RCAN1: variants seen among roughly 807,000 people sequenced by gnomAD.
The protein encoded by RCAN1 is calcipressin-1.
A neutral mutation model predicts 22.9 loss-of-function variants in RCAN1; 11 were observed. The ratio of observed to expected loss-of-function variants is 0.48; its 90% CI spans 0.30 to 0.79. The LOEUF (loss-of-function observed/expected upper bound fraction) is 0.79, where lower values mean the gene tolerates loss of function less well. RCAN1 is among the 30% of genes least tolerant of loss of function. The pLI is 0.06. For missense variants in RCAN1, 291 were observed against 337.8 expected, an observed-to-expected ratio of 0.86 and a Z score of 1.09; for synonymous variants, 136 against 142.3, an observed-to-expected ratio of 0.96 and a Z score of 0.32.
intron 3 of RCAN1, 83 bp downstream of exon 3, chr21:34,521,416 G>GAGA: frequency 6.2e-7 from 1 of 1,605,904 alleles, no homozygotes; most frequent in Non-Finnish European, 8.5e-7. Context: ...GAGAGCTACG[G>GAGA]GGGTAGTGGT....
intron 1 of RCAN1, among the ~76,000 whole-genome samples, chr21:34,585,156 G>A (rs1170351125): frequency 6.6e-6 from 1 of 152,122 alleles, no homozygotes; most frequent in African/African-American, 2.4e-5. Context: ...TGTATTTAAG[G>A]TAATAATCAC....
At chr21:34,580,036 C>T (rs929084974) in intron 1 of RCAN1, among the ~76,000 whole-genome samples, 1 of 152,210 alleles carries the variant, frequency 6.6e-6, no homozygotes, top group African/African-American at 2.4e-5. Context: ...TGTCAGAGAA[C>T]AGAGGGGAAA....
chr21:34,566,789 T>C (rs1987023837), intron 1 of RCAN1, among the ~76,000 whole-genome samples: 1 of 152,098 alleles, frequency 6.6e-6, no homozygotes, highest in African/African-American at 2.4e-5. Flanking sequence ...CTACTCATGG[T>C]GGAAGGTGAA....
At chr21:34,585,742 C>CAAAAAAAAAAAA (rs59014706) in intron 1 of RCAN1, among the ~76,000 whole-genome samples, 1 of 45,986 alleles carries the variant, frequency 2.2e-5, no homozygotes, top group African/African-American at 8.0e-5. Context: ...GACTCCATCT[C>CAAAAAAAAAAAA]AAAAAAAAAA....
chr21:34,586,385 C>T (rs570259976), intron 1 of RCAN1, among the ~76,000 whole-genome samples: 16 of 125,100 alleles, frequency 1.3e-4, no homozygotes, highest in African/African-American at 4.6e-4. Flanking sequence ...GAATCAATAA[C>T]ATTAAAAAAA....
At chr21:34,580,216 T>C (rs1410245573) in intron 1 of RCAN1, among the ~76,000 whole-genome samples, 2 of 152,194 alleles carry the variant, frequency 1.3e-5, no homozygotes, top group African/African-American at 2.4e-5. Flanking sequence ...CCATCTTATC[T>C]ACCCCCGGGT....
At chr21:34,579,323 G>A (rs969927473) in intron 1 of RCAN1, among the ~76,000 whole-genome samples, 1 of 152,112 alleles carries the variant, frequency 6.6e-6, no homozygotes, top group African/African-American at 2.4e-5. Context: ...AGATCACTTG[G>A]GCCTGGTAGG....
intron 1 of RCAN1, among the ~76,000 whole-genome samples, chr21:34,584,761 T>C: frequency 6.6e-6 from 1 of 152,224 alleles, no homozygotes; most frequent in African/African-American, 2.4e-5. Flanking sequence ...GCTTGCCTGG[T>C]GACAAAGTCT....
Position 34,614,926 on chromosome 21 carries a change from G to T in RCAN1, c.86C>A (p.Thr29Lys). ...AAEARARPGV[T>K]LRPFAPLSGA... ...CGAGAGGGGCGCGAAGGGCCGCAGCGTCACCCCGGGCCGCGCTCGCGCCTC... is the reference window on the plus strand; with the variant it reads ...CGAGAGGGGCGCGAAGGGCCGCAGCTTCACCCCGGGCCGCGCTCGCGCCTC... Residue 29 changes from threonine (T) to lysine (K), a missense_variant, in exon 1 of 4, where the codon ACG (threonine) becomes AAG (lysine). Thr to Lys is a moderately conservative substitution (Grantham distance 78). Coordinates refer to ENST00000313806, the MANE Select transcript of RCAN1 (RefSeq NM_004414.7). This position sits in a 1 kb window ranked among gnomAD's most constrained non-coding sequence, Gnocchi z 6.0. 7.3e-7 allele frequency: 1 copy of T among 1,374,838 alleles called. No homozygotes were observed. Among genetic ancestry groups the T allele is most frequent in the Non-Finnish European group, 9.5e-7 (1 of 1,053,936 alleles). The allele number at this position is 1,374,838 out of a possible 1,614,324, so 85.2% of individuals were successfully genotyped here. A position where few individuals can be genotyped will look rare whatever the true frequency, so the allele number is the denominator to read the frequency against.
intron 1 of RCAN1, among the ~76,000 whole-genome samples, chr21:34,608,345 CCT>C (rs1439133920): frequency 6.6e-6 from 1 of 152,110 alleles, no homozygotes; most frequent in African/African-American, 2.4e-5. Context: ...ATTCCCTCTC[CCT>C]GAGTGAGATT....
chr21:34,587,790 C>T (rs977305277), intron 1 of RCAN1, among the ~76,000 whole-genome samples: 5 of 151,982 alleles, frequency 3.3e-5, no homozygotes, highest in African/African-American at 4.8e-5. Context: ...CCATGGTGCC[C>T]AGATACCAGA....
chr21:34,609,102 G>A (rs939069477), intron 1 of RCAN1, among the ~76,000 whole-genome samples: 1 of 152,110 alleles, frequency 6.6e-6, no homozygotes, highest in Non-Finnish European at 1.5e-5. Flanking sequence ...TTTCCCCAAC[G>A]TCAAAGTTTG....
intron 1 of RCAN1, among the ~76,000 whole-genome samples, chr21:34,556,722 T>A (rs551178715): frequency 6.6e-6 from 1 of 152,322 alleles, no homozygotes; most frequent in East Asian, 1.9e-4. Context: ...TAAAAAAATA[T>A]GACAGAACGT....
At chr21:34,577,334 G>A (rs2256525) in intron 1 of RCAN1, among the ~76,000 whole-genome samples, 106,971 of 152,152 alleles carry the variant, frequency 0.7, 37,715 homozygotes, top group East Asian at 0.81. Context: ...ATGGTGGCAC[G>A]TGCCTATAAT....
At chr21:34,585,766 A>G (rs969822746) in intron 1 of RCAN1, among the ~76,000 whole-genome samples, 4 of 144,526 alleles carry the variant, frequency 2.8e-5, no homozygotes, top group Non-Finnish European at 6.1e-5. Context: ...AAAAAAAAAC[A>G]TAATTCAAAG....
chr21:34,582,219 T>G (rs1987636271), intron 1 of RCAN1, among the ~76,000 whole-genome samples: 1 of 152,150 alleles, frequency 6.6e-6, no homozygotes, highest in South Asian at 2.1e-4. Context: ...TACTAAGAAC[T>G]TCCAAGCTCC....
At chr21:34,592,096 T>C (rs554653601) in intron 1 of RCAN1, among the ~76,000 whole-genome samples, 1 of 152,328 alleles carries the variant, frequency 6.6e-6, no homozygotes, top group East Asian at 1.9e-4. Context: ...CAAAACTCCC[T>C]GTGCTTGGGC....
intron 1 of RCAN1, among the ~76,000 whole-genome samples, chr21:34,544,164 C>T (rs1168617438): frequency 6.6e-6 from 1 of 152,194 alleles, no homozygotes; most frequent in Non-Finnish European, 1.5e-5. Context: ...TCTCAAATGG[C>T]CCCCTGGTGG....
At chr21:34,572,170 G>T (rs2409527) in intron 1 of RCAN1, among the ~76,000 whole-genome samples, 1 of 151,944 alleles carries the variant, frequency 6.6e-6, no homozygotes, top group Non-Finnish European at 1.5e-5. Context: ...CAGGGATTTC[G>T]CAAGAGGTCA....
Sources: allele counts gnomAD v4.1 joint callset (sites outside exome capture counted in the v4.1 genomes callset), GRCh38; gene constraint gnomAD v4.1.1; non-coding constraint Gnocchi (gnomAD v3.1); transcripts MANE v1.5; gene names NCBI Gene and HGNC (gene_info 2026-07-23, HGNC 2026-07-21).